ITSN2: variants seen among roughly 807,000 people sequenced by gnomAD.
ITSN2 encodes intersectin 2.
In ITSN2, 156 loss-of-function variants were observed where a neutral mutation model predicts 243.7. The ratio of observed to expected loss-of-function variants is 0.64; its 90% CI spans 0.56 to 0.73. The LOEUF (loss-of-function observed/expected upper bound fraction) is 0.73, where lower values mean the gene tolerates loss of function less well. Ranked by LOEUF, ITSN2 falls within the 30% of genes least tolerant of loss-of-function variation. The probability of loss-of-function intolerance (pLI) is 0.00; values close to 1 mark genes in which losing one functional copy is unlikely to be tolerated. For missense variants in ITSN2, 1,801 were observed against 1,996.1 expected (o/e 0.90, Z 1.86); for synonymous variants, 703 against 699.9 (o/e 1.00, Z -0.07).
At chr2:24,316,845 T>C (rs1293138247) in intron 2 of ITSN2, among the ~76,000 whole-genome samples, 1 of 152,210 alleles carries the variant, frequency 6.6e-6, no homozygotes, top group Non-Finnish European at 1.5e-5. Flanking sequence ...CTGTGACTGA[T>C]GATTCTGCCC....
At chr2:24,322,575 C>G (rs980585724) in intron 2 of ITSN2, among the ~76,000 whole-genome samples, 15 of 152,116 alleles carry the variant, frequency 9.9e-5, no homozygotes, top group Admixed American at 2.0e-4. Flanking sequence ...CCAGCATATA[C>G]ATGAATTAAC....
chr2:24,303,253 T>A (rs1021279684), intron 9 of ITSN2, among the ~76,000 whole-genome samples: 2 of 152,134 alleles, frequency 1.3e-5, no homozygotes, highest in African/African-American at 2.4e-5. Flanking sequence ...TAGGAGACAA[T>A]GGCTCCATGC....
chr2:24,271,536 G>A (rs1677346685), intron 19 of ITSN2, among the ~76,000 whole-genome samples: 1 of 152,136 alleles, frequency 6.6e-6, no homozygotes, highest in African/African-American at 2.4e-5. Flanking sequence ...TTCACAATCA[G>A]TAGTAACTAT....
At chr2:24,210,734 C>T (rs370988323) in intron 34 of ITSN2, 46 bp downstream of exon 34, 4 of 1,583,824 alleles carry the variant, frequency 2.5e-6, no homozygotes, top group Non-Finnish European at 2.6e-6. Context: ...TGGTTCCCCA[C>T]CCAGAGCCTC....
chr2:24,270,942 A>T (rs1256172243), intron 19 of ITSN2, among the ~76,000 whole-genome samples, 174 bp from the exon 20 acceptor site: 1 of 152,222 alleles, frequency 6.6e-6, no homozygotes, highest in Non-Finnish European at 1.5e-5. Context: ...TCTAATAAAA[A>T]AGCAAACAAG....
At chr2:24,231,748 C>T (rs1356426400) in intron 29 of ITSN2, among the ~76,000 whole-genome samples, 1 of 152,144 alleles carries the variant, frequency 6.6e-6, no homozygotes, top group African/African-American at 2.4e-5. Context: ...TCTGTGATGA[C>T]GAACACAGAG....
rs1302494296 is a variant in ITSN2 at position 24,204,826 on chromosome 2, T to C, written c.4762+388A>G. On this transcript the variant is annotated intron_variant, in intron 38 of 39. Transcript: ENST00000355123. The surrounding 1 kb of genome is among the most constrained non-coding windows in gnomAD (Gnocchi z 5.1). ...CACACTGTTAGAAAGCATTCCTTTA[T>C]TCAGTGTTCAGAAGAGTCATCAGTG... 4 of 440,682 alleles carry C rather than the reference T, an allele frequency of 9.1e-6. No individual in the cohort carries two copies. Among genetic ancestry groups the C allele is most frequent in the Non-Finnish European group, 1.8e-5 (4 of 218,928 alleles). 27.3% of individuals were successfully genotyped at this position (440,682 alleles called of 1,614,324 possible).
At chr2:24,314,404 G>A (rs1683658000) in intron 3 of ITSN2, among the ~76,000 whole-genome samples, 1 of 152,102 alleles carries the variant, frequency 6.6e-6, no homozygotes, top group Non-Finnish European at 1.5e-5. Context: ...TGGTTTCAAA[G>A]CCCAGATTAA....
At chr2:24,290,891 A>G (rs940972229) in intron 15 of ITSN2, among the ~76,000 whole-genome samples, 14 of 150,786 alleles carry the variant, frequency 9.3e-5, no homozygotes, top group Admixed American at 9.3e-4. Flanking sequence ...TCGATATCTG[A>G]TAGGGTTAGT....
At chr2:24,218,601 C>CGT (rs1334227174) in intron 30 of ITSN2, among the ~76,000 whole-genome samples, 2 of 151,676 alleles carry the variant, frequency 1.3e-5, no homozygotes, top group Non-Finnish European at 2.9e-5. Context: ...TACACACACG[C>CGT]GTGTGTGTTT....
chr2:24,259,751 G>C (rs771397997), intron 22 of ITSN2, among the ~76,000 whole-genome samples: 3 of 152,036 alleles, frequency 2.0e-5, no homozygotes, highest in Non-Finnish European at 4.4e-5. Context: ...CAAATACCTT[G>C]CCCTTTGTGA....
chr2:24,309,286 G>A (rs912310935), intron 7 of ITSN2, among the ~76,000 whole-genome samples: 3 of 152,146 alleles, frequency 2.0e-5, no homozygotes, highest in East Asian at 1.9e-4. Context: ...TCCACCTCCC[G>A]GGTTCAAGCA....
chr2:24,250,412 T>TG, intron 25 of ITSN2, among the ~76,000 whole-genome samples: 1 of 152,324 alleles, frequency 6.6e-6, no homozygotes, highest in Non-Finnish European at 1.5e-5. Flanking sequence ...AATTTGTACC[T>TG]ACCACTATGA....
Position 24,284,789 on chromosome 2 carries a change from G to C in ITSN2, c.1918C>G (p.Leu640Val). ...TTAAGTAAGAGGAAGAGGTTGTTGA[G>C]ACAGCTTAGCAGAGACAAAAGGCAC... Reference protein sequence around the residue: ...LQCLLSLLSCLNNLFLLLKEL... With the variant: ...LQCLLSLLSCVNNLFLLLKEL... Residue 640 changes from leucine to valine, a missense_variant, in exon 17 of 40, where the codon CTC becomes GTC. Leu to Val is a conservative substitution (Grantham distance 32). This residue lies in a region of ITSN2 where 787 missense variants were observed against 803.9 expected (regional missense o/e 0.98). Coordinates refer to ENST00000355123, the MANE Select transcript of ITSN2 (RefSeq NM_006277.3). The C allele has an allele frequency of 6.2e-7, 1 of 1,602,614 alleles. No individual in the cohort carries two copies. Among genetic ancestry groups the C allele is most frequent in the Non-Finnish European group, 8.5e-7 (1 of 1,170,512 alleles).
chr2:24,204,358 A>G lies in ITSN2; in HGVS notation c.4823T>C (p.Ile1608Thr), dbSNP rs770951284. The stretch of plus-strand genomic sequence containing the variant: ...CCACTTGGGATTGAGTGTGTCCTGG[A>G]TGGTCCTGGTGGTGTAGCTCTGGGA... ...MGSQSYTTRTIQDTLNPKWNF... is the reference protein window; with the variant it reads ...MGSQSYTTRTTQDTLNPKWNF... Residue 1608 changes from isoleucine (I) to threonine (T), a missense_variant, in exon 39 of 40, where the codon ATC (isoleucine) becomes ACC (threonine). This residue lies in a region of ITSN2 where 928 missense variants were observed against 1,065.4 expected (regional missense o/e 0.87). Coordinates refer to ENST00000355123, the MANE Select transcript of ITSN2 (RefSeq NM_006277.3). The surrounding 1 kb of genome is among the most constrained non-coding windows in gnomAD (Gnocchi z 5.1). The G allele has an allele frequency of 2.5e-6, 4 of 1,614,150 alleles. No individual in the cohort carries two copies. The highest frequency in any genetic ancestry group is 3.4e-6 in the Non-Finnish European group (4 of 1,179,990).
At chr2:24,333,359 C>T (rs1685996267) in intron 1 of ITSN2, among the ~76,000 whole-genome samples, 1 of 152,126 alleles carries the variant, frequency 6.6e-6, no homozygotes, top group Admixed American at 6.6e-5. Context: ...TTTCTTATCT[C>T]TTGGTATAAC....
At chr2:24,326,530 T>C (rs990634380) in intron 2 of ITSN2, 3 of 167,098 alleles carry the variant, frequency 1.8e-5, no homozygotes, top group Admixed American at 1.3e-4. Flanking sequence ...ATGTTACTAC[T>C]ACAATCACTG....
intron 8 of ITSN2, among the ~76,000 whole-genome samples, chr2:24,307,539 G>T (rs1239764224): frequency 6.6e-6 from 1 of 152,188 alleles, no homozygotes; most frequent in Non-Finnish European, 1.5e-5. Flanking sequence ...TAAATGCCTT[G>T]AATCTATCCG....
At chr2:24,331,953 AGTT>A (rs1685835342) in intron 1 of ITSN2, among the ~76,000 whole-genome samples, 1 of 152,232 alleles carries the variant, frequency 6.6e-6, no homozygotes, top group Non-Finnish European at 1.5e-5. Flanking sequence ...GGAGTTTGAA[AGTT>A]GTTGTGGCCA....
Sources: gnomAD v4.1 joint callset for allele counts (sites outside exome capture counted in the v4.1 genomes callset) on GRCh38, gnomAD v4.1.1 for gene constraint, gnomAD v4.1.1 regional missense constraint, Gnocchi (gnomAD v3.1) non-coding constraint, MANE v1.5 for transcripts, NCBI Gene and HGNC (gene_info 2026-07-23, HGNC 2026-07-21) for gene names.